The following KLKB1 variants were observed in gnomAD, a reference collection of about 807,000 sequenced individuals.
KLKB1 encodes the protein plasma kallikrein.
A neutral mutation model predicts 73.6 loss-of-function variants in KLKB1; 58 were observed. The ratio of observed to expected loss-of-function variants is 0.79; its 90% CI spans 0.64 to 0.98. The LOEUF is 0.98. Ranked by LOEUF, KLKB1 falls within the 50% of genes least tolerant of loss-of-function variation. KLKB1 has a pLI of 0.00. For missense variants in KLKB1, 737 were observed against 763.8 expected (o/e 0.96, Z 0.41); for synonymous variants, 280 against 258.1 (o/e 1.08, Z -0.81).
intron 6 of KLKB1, among the ~76,000 whole-genome samples, chr4:186,243,361 T>C (rs1047876799): frequency 6.6e-6 from 1 of 152,172 alleles, no homozygotes; most frequent in African/African-American, 2.4e-5. Flanking sequence ...GATATTTTCC[T>C]TGGTCCAAGA....
chr4:186,244,387 A>G (rs1301505256), intron 6 of KLKB1, among the ~76,000 whole-genome samples: 1 of 152,186 alleles, frequency 6.6e-6, no homozygotes, highest in Non-Finnish European at 1.5e-5. Context: ...CAGGGAGAGC[A>G]CATGTGTTTT....
chr4:186,243,180 C>T (rs1480970830), intron 6 of KLKB1, among the ~76,000 whole-genome samples: 1 of 149,716 alleles, frequency 6.7e-6, no homozygotes, highest in Non-Finnish European at 1.5e-5. Flanking sequence ...TGAGCAATCC[C>T]TGAGGAGGAG....
At chr4:186,242,041 G>C (rs1738077886) in intron 6 of KLKB1, among the ~76,000 whole-genome samples, 1 of 152,178 alleles carries the variant, frequency 6.6e-6, no homozygotes, top group South Asian at 2.1e-4. Flanking sequence ...CAGGCAGGCT[G>C]AGTCCGAAAA....
chr4:186,250,112 T>C, intron 6 of KLKB1, 131 bp from the exon 7 acceptor site: 1 of 1,004,454 alleles, frequency 1.0e-6, no homozygotes, highest in African/African-American at 1.6e-5. Flanking sequence ...TTAAAGGACA[T>C]TTTTTCACTT....
chr4:186,255,056 G>C (rs1738922278), intron 12 of KLKB1, among the ~76,000 whole-genome samples: 1 of 152,246 alleles, frequency 6.6e-6, no homozygotes, highest in African/African-American at 2.4e-5. Flanking sequence ...CACTGGGCTT[G>C]CTTTGACAAG....
intron 2 of KLKB1, among the ~76,000 whole-genome samples, chr4:186,219,064 C>T (rs1227307534): frequency 2.0e-5 from 3 of 152,104 alleles, no homozygotes; most frequent in African/African-American, 7.2e-5. Context: ...AAGATGAGGG[C>T]CAGAAGACTT....
chr4:186,253,080 T>G (rs1468024168), intron 11 of KLKB1, among the ~76,000 whole-genome samples: 2 of 152,210 alleles, frequency 1.3e-5, no homozygotes, highest in African/African-American at 2.4e-5. Context: ...ATATGAATAG[T>G]AATAGTCCCG....
intron 4 of KLKB1, among the ~76,000 whole-genome samples, chr4:186,235,351 T>TTTC (rs67319353): frequency 1.1e-4 from 3 of 27,920 alleles, no homozygotes; most frequent in Non-Finnish European, 1.2e-4. Flanking sequence ...TTAATGTTTT[T>TTTC]TAAAGTGAAA....
chr4:186,215,161 A>T (rs938800679), intron 2 of KLKB1, among the ~76,000 whole-genome samples: 1 of 152,188 alleles, frequency 6.6e-6, no homozygotes, highest in Non-Finnish European at 1.5e-5. Context: ...CAATATTTAG[A>T]CATGACTGTC....
chr4:186,253,894 G>A (rs889244780), intron 11 of KLKB1, among the ~76,000 whole-genome samples: 5 of 151,924 alleles, frequency 3.3e-5, no homozygotes, highest in Non-Finnish European at 7.4e-5. Flanking sequence ...AGAGTGCAGT[G>A]GCACAATCTT....
intron 2 of KLKB1, among the ~76,000 whole-genome samples, chr4:186,221,010 C>G (rs2126614696): frequency 1.3e-5 from 2 of 152,178 alleles, no homozygotes; most frequent in South Asian, 4.1e-4. Flanking sequence ...TTCAGATTTT[C>G]TATTTCTTCC....
chr4:186,254,896 G>A, intron 12 of KLKB1, 133 bp downstream of exon 12: 1 of 758,340 alleles, frequency 1.3e-6, no homozygotes, highest in Non-Finnish European at 2.2e-6. Context: ...AAACGTGAGG[G>A]TTGCTGGGAA....
chr4:186,246,133 G>A (rs1393584894), intron 6 of KLKB1, among the ~76,000 whole-genome samples: 1 of 152,054 alleles, frequency 6.6e-6, no homozygotes, highest in African/African-American at 2.4e-5. Context: ...AGCTGGACCG[G>A]GTGTGAGGAG....
In KLKB1 at chr4:186,258,202, C is replaced by A; in HGVS notation, c.1907C>A (p.Ser636Ter). ...AGTGATGGAAAAGCTCAGATGCAGT[C>A]ACCAGCATGAGAAGCAGTCCAGAGT... The part of the protein sequence containing the change: ...QSSDGKAQMQ[S>*]PA The change falls in exon 15 of 15, where the codon TCA becomes TAA. Residue 636 changes from serine (S) to a stop codon, truncating the protein, a stop_gained. Transcript: ENST00000264690. LOFTEE classifies it high-confidence loss of function. 6.2e-7 allele frequency: 1 copy of A among 1,613,872 alleles called. No homozygotes were observed. The highest frequency in any genetic ancestry group is 1.1e-5 in the South Asian group (1 of 91,004).
intron 2 of KLKB1, among the ~76,000 whole-genome samples, chr4:186,228,700 G>C (rs1374285792): frequency 6.6e-6 from 1 of 152,132 alleles, no homozygotes; most frequent in Non-Finnish European, 1.5e-5. Flanking sequence ...GACCGCTAGG[G>C]AACCATTTCA....
chr4:186,256,151 G>T (rs1191977046), intron 13 of KLKB1, 64 bp downstream of exon 13: 1 of 1,014,338 alleles, frequency 9.9e-7, no homozygotes, highest in Admixed American at 1.7e-5. Flanking sequence ...ACATGGAGTG[G>T]GTCGTTTTAA....
chr4:186,245,828 T>TTTTTTG (rs1738314417), intron 6 of KLKB1, among the ~76,000 whole-genome samples: 1 of 135,432 alleles, frequency 7.4e-6, no homozygotes, highest in East Asian at 2.2e-4. Flanking sequence ...TTTTTGGTTT[T>TTTTTTG]TTTTTTTTAA....
chr4:186,221,741 A>C (rs529542535), upstream of KLKB1, among the ~76,000 whole-genome samples: 23 of 152,158 alleles, frequency 1.5e-4, no homozygotes, highest in Non-Finnish European at 2.8e-4. Context: ...TTCTGTGTGC[A>C]CTTAAAAAGA....
chr4:186,244,061 C>G (rs979204762), intron 6 of KLKB1, among the ~76,000 whole-genome samples: 1 of 152,126 alleles, frequency 6.6e-6, no homozygotes, highest in African/African-American at 2.4e-5. Context: ...AGGGCGTGGT[C>G]CTGGCTCTTG....
Sources: gnomAD v4.1 joint callset for allele counts (sites outside exome capture counted in the v4.1 genomes callset) on GRCh38, gnomAD v4.1.1 for gene constraint, MANE v1.5 for transcripts, NCBI Gene and HGNC (gene_info 2026-07-23, HGNC 2026-07-21) for gene names.